The following FOXO1 variants were observed in gnomAD, a reference collection of about 807,000 sequenced individuals.
FOXO1 encodes the protein forkhead box O1, also known as forkhead box protein O1.
In FOXO1, 6 loss-of-function variants were observed where a neutral mutation model predicts 44.1. The observed-to-expected ratio is 0.14, with a 90% CI of 0.07 to 0.27. The LOEUF (loss-of-function observed/expected upper bound fraction) is 0.27. FOXO1 is among the 10% of genes least tolerant of loss of function. The pLI is 1.00. For missense variants in FOXO1, 737 were observed against 888.8 expected (o/e 0.83, Z 2.17); for synonymous variants, 380 against 362.7 (o/e 1.05, Z -0.54).
At chr13:40,607,389 C>G (rs1363625293) in intron 1 of FOXO1, among the ~76,000 whole-genome samples, 1 of 152,160 alleles carries the variant, frequency 6.6e-6, no homozygotes, top group Non-Finnish European at 1.5e-5. Flanking sequence ...ATATAAGCAC[C>G]AGAAAAACAT....
chr13:40,587,266 T>TAAAA (rs34831498), intron 1 of FOXO1, among the ~76,000 whole-genome samples: 3 of 89,008 alleles, frequency 3.4e-5, no homozygotes, highest in East Asian at 4.7e-4. Flanking sequence ...CAGAACAAAG[T>TAAAA]AAAAAAAAAA....
intron 1 of FOXO1, among the ~76,000 whole-genome samples, chr13:40,627,784 G>T (rs1876832531): frequency 6.6e-6 from 1 of 150,754 alleles, no homozygotes; most frequent in African/African-American, 2.4e-5. Flanking sequence ...AGTGAGCCAA[G>T]ATCGCGCCAT....
chr13:40,617,101 G>C (rs750236600), intron 1 of FOXO1, among the ~76,000 whole-genome samples: 5 of 152,214 alleles, frequency 3.3e-5, no homozygotes, highest in Admixed American at 6.5e-5. Flanking sequence ...TTTCTAATGG[G>C]ATAACAGAAG....
intron 1 of FOXO1, among the ~76,000 whole-genome samples, chr13:40,612,571 G>A (rs994209588): frequency 2.0e-5 from 3 of 152,176 alleles, no homozygotes; most frequent in African/African-American, 7.2e-5. Flanking sequence ...CAGTGGCCAA[G>A]AAATTTTATC....
intron 1 of FOXO1, among the ~76,000 whole-genome samples, chr13:40,586,294 C>CAA (rs1168093211): frequency 1.3e-5 from 2 of 152,188 alleles, no homozygotes; most frequent in Non-Finnish European, 2.9e-5. Context: ...CACTATGCAT[C>CAA]AAGATGGGAA....
In FOXO1 at chr13:40,665,950, C is replaced by G. The variant is rs900638210; in HGVS notation, c.263G>C (p.Gly88Ala). 8 of 1,225,604 alleles carry G rather than the reference C, an allele frequency of 6.5e-6. No individual in the cohort carries two copies. The highest frequency in any genetic ancestry group is 8.7e-5 in the Admixed American group (2 of 23,052). The allele number at this position is 1,225,604 out of a possible 1,614,324, so 75.9% of individuals were successfully genotyped here. Residue 88 changes from glycine (G) to alanine (A), a missense_variant, in exon 1 of 3, where the codon GGC becomes GCC. Transcript: ENST00000379561. ...CGCCGCCACCGCCGCCGCCACGGAG[C>G]CGGGCGCCTGCGGGAAGTCCTCGCT... ...EESEDFPQAPGSVAAAVAAAA... is the reference protein window; with the variant it reads ...EESEDFPQAPASVAAAVAAAA...
intron 1 of FOXO1, among the ~76,000 whole-genome samples, chr13:40,581,945 C>T (rs927033756): frequency 2.6e-5 from 4 of 152,164 alleles, no homozygotes; most frequent in African/African-American, 9.7e-5. Flanking sequence ...CCCTTCAACA[C>T]ACAAACTCTG....
At chr13:40,622,106 T>C (rs1876634451) in intron 1 of FOXO1, among the ~76,000 whole-genome samples, 1 of 152,220 alleles carries the variant, frequency 6.6e-6, no homozygotes, top group South Asian at 2.1e-4. Flanking sequence ...ATGGAAAATT[T>C]AGGACATACA....
chr13:40,558,760 A>G lies in FOXO1; in HGVS notation c.*289T>C. 1 of 398,888 alleles carries G rather than the reference A, an allele frequency of 2.5e-6. No homozygotes were observed. Among genetic ancestry groups the G allele is most frequent in the Non-Finnish European group, 4.4e-6 (1 of 225,972 alleles). 24.7% of individuals were successfully genotyped at this position (398,888 alleles called of 1,614,324 possible). The stretch of plus-strand genomic sequence containing the variant: ...CCAGGATCTGAAAATCTTTTCTGCA[A>G]TTATATGGTGTAGTGAGTTTGGCAC... On this transcript the variant is annotated 3_prime_UTR_variant, in exon 3 of 3. Transcript: ENST00000379561.
chr13:40,593,338 T>C (rs1226536399), intron 1 of FOXO1, among the ~76,000 whole-genome samples: 1 of 152,180 alleles, frequency 6.6e-6, no homozygotes, highest in Non-Finnish European at 1.5e-5. Flanking sequence ...TAAGGAAATA[T>C]TTTGGAATTA....
intron 1 of FOXO1, among the ~76,000 whole-genome samples, chr13:40,623,769 C>T (rs1876693936): frequency 6.6e-6 from 1 of 151,896 alleles, no homozygotes; most frequent in Admixed American, 6.6e-5. Flanking sequence ...GAGCGCATCC[C>T]ATAATGAGAA....
chr13:40,587,119 C>T (rs898079650), intron 1 of FOXO1, among the ~76,000 whole-genome samples: 1 of 152,096 alleles, frequency 6.6e-6, no homozygotes, highest in African/African-American at 2.4e-5. Context: ...ACTGGGACTC[C>T]AAGAATAACT....
intron 1 of FOXO1, among the ~76,000 whole-genome samples, chr13:40,587,286 G>T (rs1304585794): frequency 7.4e-6 from 1 of 135,646 alleles, no homozygotes; most frequent in African/African-American, 3.0e-5. Context: ...AAAAAAAAAA[G>T]TGGGAGTGGG....
intron 1 of FOXO1, among the ~76,000 whole-genome samples, chr13:40,577,250 A>G (rs1402758223): frequency 1.3e-5 from 2 of 149,932 alleles, no homozygotes; most frequent in Non-Finnish European, 2.9e-5. Flanking sequence ...AAAACTTTTA[A>G]AAGGTTGATG....
chr13:40,576,363 G>A (rs1056637336), intron 1 of FOXO1, among the ~76,000 whole-genome samples: 5 of 152,144 alleles, frequency 3.3e-5, no homozygotes, highest in Admixed American at 1.3e-4. Flanking sequence ...GCAGAACCTA[G>A]AGCAAAGCGC....
intron 1 of FOXO1, among the ~76,000 whole-genome samples, chr13:40,615,588 T>C (rs915575437): frequency 6.6e-6 from 1 of 151,664 alleles, no homozygotes; most frequent in Non-Finnish European, 1.5e-5. Context: ...GCAGAAGGGA[T>C]GGTGCATGGC....
intron 1 of FOXO1, among the ~76,000 whole-genome samples, chr13:40,570,667 G>C (rs1874455739): frequency 6.6e-6 from 1 of 152,134 alleles, no homozygotes; most frequent in Non-Finnish European, 1.5e-5. Flanking sequence ...CATTTCAGAA[G>C]GTAGTAATTA....
intron 1 of FOXO1, among the ~76,000 whole-genome samples, chr13:40,623,289 G>A (rs933567182): frequency 5.9e-5 from 9 of 152,034 alleles, no homozygotes; most frequent in East Asian, 1.9e-4. Flanking sequence ...AAAGTGACAC[G>A]GGGGTCCGTG....
At chr13:40,643,203 G>C (rs887126205) in intron 1 of FOXO1, among the ~76,000 whole-genome samples, 3 of 152,000 alleles carry the variant, frequency 2.0e-5, no homozygotes, top group African/African-American at 7.2e-5. Context: ...TTAGCCAGGT[G>C]TGATGGCAGG....
Sources: allele counts gnomAD v4.1 joint callset (sites outside exome capture counted in the v4.1 genomes callset), GRCh38; gene constraint gnomAD v4.1.1; transcripts MANE v1.5; gene names NCBI Gene and HGNC (gene_info 2026-07-23, HGNC 2026-07-21).